The following CELF2 variants were observed in gnomAD, a reference collection of about 807,000 sequenced individuals.
CELF2 encodes CUG triplet repeat RNA-binding protein 2.
Under a neutral mutation model 62.6 loss-of-function variants are expected in CELF2, and 8 were observed. That is an observed-to-expected ratio of 0.13 (90% CI 0.07 to 0.23). The LOEUF is 0.23. Ranked by LOEUF, CELF2 falls within the 10% of genes least tolerant of loss-of-function variation. CELF2 has a pLI of 1.00. For synonymous variants in CELF2, 258 were observed against 250.0 expected, an observed-to-expected ratio of 1.03 and a Z score of -0.30; for missense variants, 333 against 671.0, an observed-to-expected ratio of 0.50 and a Z score of 5.56.
intron 1 of CELF2, among the ~76,000 whole-genome samples, chr10:11,153,128 A>G (rs1478857440): frequency 1.3e-5 from 2 of 152,176 alleles, no homozygotes; most frequent in Non-Finnish European, 2.9e-5. Context: ...TAATTTTCCC[A>G]AGAAACTGGC....
upstream of CELF2, among the ~76,000 whole-genome samples, chr10:11,002,231 T>C (rs1374488184): frequency 6.6e-6 from 1 of 152,078 alleles, no homozygotes; most frequent in African/African-American, 2.4e-5. This position sits in a 1 kb window ranked among gnomAD's most constrained non-coding sequence, Gnocchi z 4.4. Context: ...CCAACAGATC[T>C]CATAAGACTT....
intron 3 of CELF2, among the ~76,000 whole-genome samples, chr10:11,219,379 T>A (rs1330058239): frequency 6.6e-6 from 1 of 152,240 alleles, no homozygotes; most frequent in Non-Finnish European, 1.5e-5. Context: ...GTTACTTCTT[T>A]TCTTCCTAAA....
the CELF2 span, among the ~76,000 whole-genome samples, chr10:10,756,870 G>A: frequency 3.9e-5 from 6 of 152,132 alleles, no homozygotes; most frequent in African/African-American, 1.2e-4. Flanking sequence ...GGGACTGGGC[G>A]CAGTGGCTCA....
chr10:11,182,448 G>A (rs1265177211), intron 2 of CELF2, among the ~76,000 whole-genome samples: 2 of 152,190 alleles, frequency 1.3e-5, no homozygotes, highest in Non-Finnish European at 2.9e-5. Flanking sequence ...CTAAGACAAT[G>A]ATATACTTTG....
chr10:10,831,612 T>C (rs953405534), intron 1 of CELF2, among the ~76,000 whole-genome samples: 1 of 152,202 alleles, frequency 6.6e-6, no homozygotes, highest in Non-Finnish European at 1.5e-5. Context: ...GGTCAAGCTG[T>C]TCCCAAATCA....
intron 2 of CELF2, among the ~76,000 whole-genome samples, chr10:10,989,596 A>G (rs566179666): frequency 2.6e-5 from 4 of 152,254 alleles, no homozygotes; most frequent in South Asian, 4.1e-4. Flanking sequence ...AAAAAAACAC[A>G]AAGGTAAAAA....
the CELF2 span, among the ~76,000 whole-genome samples, chr10:10,668,760 C>A: frequency 2.0e-5 from 3 of 152,072 alleles, no homozygotes; most frequent in Non-Finnish European, 2.9e-5. Context: ...GAGTTTGAGA[C>A]CAGCCTAGCC....
intron 1 of CELF2, chr10:11,030,286 T>A (rs1450352829): frequency 1.3e-5 from 2 of 152,246 alleles, no homozygotes; most frequent in African/African-American, 2.4e-5. Flanking sequence ...TCAGAAAAAA[T>A]TTCCTCAATA....
intron 1 of CELF2, among the ~76,000 whole-genome samples, chr10:11,047,303 CAAAGT>C (rs371310977): frequency 2.0e-5 from 3 of 152,092 alleles, no homozygotes; most frequent in African/African-American, 4.8e-5. Flanking sequence ...GAGTGTTTTC[CAAAGT>C]AGAGTCCCTG....
chr10:10,893,888 C>G (rs1013609211), intron 1 of CELF2, among the ~76,000 whole-genome samples: 10 of 152,182 alleles, frequency 6.6e-5, no homozygotes, highest in Non-Finnish European at 1.5e-4. Context: ...TCCCACTAGG[C>G]CCTGCCTCCA....
chr10:10,502,363 G>A, the CELF2 span, among the ~76,000 whole-genome samples: 1 of 151,862 alleles, frequency 6.6e-6, no homozygotes, highest in Admixed American at 6.6e-5. Flanking sequence ...TTTAGTCTTG[G>A]TATTAGGGTC....
intron 11 of CELF2, among the ~76,000 whole-genome samples, chr10:11,325,165 C>T (rs996788978): frequency 1.2e-4 from 18 of 152,176 alleles, no homozygotes; most frequent in African/African-American, 4.3e-4. Flanking sequence ...TTGGCTTCCT[C>T]GGTCTTTGCC....
chr10:11,088,847 A>T (rs538952853), intron 1 of CELF2, among the ~76,000 whole-genome samples: 2 of 152,326 alleles, frequency 1.3e-5, no homozygotes, highest in African/African-American at 4.8e-5. Flanking sequence ...CAGCTGGCTG[A>T]GGACTGGAGT....
chr10:10,741,138 C>T, the CELF2 span, among the ~76,000 whole-genome samples: 1 of 152,100 alleles, frequency 6.6e-6, no homozygotes, highest in Non-Finnish European at 1.5e-5. Context: ...CATTTGTTTA[C>T]CTGTAGGAAC....
chr10:11,325,592 C>T (rs931589005), intron 11 of CELF2, among the ~76,000 whole-genome samples: 2 of 152,244 alleles, frequency 1.3e-5, no homozygotes, highest in Non-Finnish European at 1.5e-5. Context: ...GGGGCAGTGG[C>T]ACCTGTGACT....
At chr10:10,667,966 G>A in the CELF2 span, among the ~76,000 whole-genome samples, 1,583 of 152,248 alleles carry the variant, frequency 0.01, 35 homozygotes, top group Middle Eastern at 0.014. Context: ...GCCCCAAAGA[G>A]GCACAGATTC....
the CELF2 span, among the ~76,000 whole-genome samples, chr10:10,584,575 T>C: frequency 1.3e-5 from 2 of 152,206 alleles, no homozygotes; most frequent in East Asian, 3.9e-4. Context: ...TACCGAGTCC[T>C]CCTCAGGACA....
At chr10:10,725,282 T>C in the CELF2 span, among the ~76,000 whole-genome samples, 1 of 152,214 alleles carries the variant, frequency 6.6e-6, no homozygotes, top group African/African-American at 2.4e-5. Flanking sequence ...CAGGGTGTTC[T>C]TTCTGTCAAA....
chr10:10,787,054 A>T, the CELF2 span, among the ~76,000 whole-genome samples: 4 of 152,294 alleles, frequency 2.6e-5, no homozygotes, highest in Non-Finnish European at 4.4e-5. Flanking sequence ...CTCAGACAAA[A>T]ATTATGTGGC....
Sources: gnomAD v4.1 joint callset for allele counts (sites outside exome capture counted in the v4.1 genomes callset) on GRCh38, gnomAD v4.1.1 for gene constraint, Gnocchi (gnomAD v3.1) non-coding constraint, MANE v1.5 for transcripts, NCBI Gene and HGNC (gene_info 2026-07-23, HGNC 2026-07-21) for gene names.